The following EDA2R variants were observed in gnomAD, a reference collection of about 807,000 sequenced individuals.
The protein encoded by EDA2R is ectodysplasin A2 receptor.
In EDA2R, 26 loss-of-function variants were observed where a neutral mutation model predicts 20.1. That is an observed-to-expected ratio of 1.30 (90% CI 0.95 to 1.80). EDA2R has a LOEUF of 1.80. Ranked by LOEUF, EDA2R falls within the 40% of genes most tolerant of loss-of-function variation. EDA2R has a pLI of 0.00. For missense variants in EDA2R, 277 were observed against 228.7 expected, an observed-to-expected ratio of 1.21 and a Z score of -1.36; for synonymous variants, 114 against 88.7, an observed-to-expected ratio of 1.29 and a Z score of -1.60.
intron 5 of EDA2R, among the ~76,000 whole-genome samples, chrX:66,600,919 T>C (rs1928470506): frequency 8.9e-6 from 1 of 112,333 alleles, no homozygotes; most frequent in Admixed American, 9.4e-5. Flanking sequence ...TACAAACAGC[T>C]GGATCCAAGT....
intron 1 of EDA2R, among the ~76,000 whole-genome samples, chrX:66,624,946 C>G (rs1294861604): frequency 9.0e-6 from 1 of 111,719 alleles, no homozygotes; most frequent in Non-Finnish European, 1.9e-5. Flanking sequence ...GGAGAAGTTT[C>G]TGACTTTACC....
intron 1 of EDA2R, among the ~76,000 whole-genome samples, chrX:66,631,888 G>A (rs1290080223): frequency 8.9e-6 from 1 of 111,763 alleles, no homozygotes; most frequent in Non-Finnish European, 1.9e-5. Flanking sequence ...AGTTGAAGGG[G>A]ACAGAGGAAC....
chrX:66,620,815 A>T (rs951674904), intron 1 of EDA2R, among the ~76,000 whole-genome samples: 14 of 109,917 alleles, frequency 1.3e-4, no homozygotes, highest in Non-Finnish European at 1.9e-4. Context: ...AAAAAAAGAT[A>T]GATAATTTAA....
chrX:66,628,724 A>T (rs780294581), intron 1 of EDA2R, among the ~76,000 whole-genome samples: 12 of 109,613 alleles, frequency 1.1e-4, no homozygotes, highest in African/African-American at 4.0e-4. Flanking sequence ...AAAAAAATCC[A>T]GGATCAGATG....
chrX:66,617,127 C>T (rs1388022869), intron 1 of EDA2R, among the ~76,000 whole-genome samples: 6 of 111,992 alleles, frequency 5.4e-5, no homozygotes, highest in Non-Finnish European at 9.4e-5. Flanking sequence ...TCTAAAAGTG[C>T]CAAAGTCCTA....
chrX:66,599,191 G>C (rs913634819), intron 6 of EDA2R, among the ~76,000 whole-genome samples: 10 of 111,568 alleles, frequency 9.0e-5, no homozygotes, highest in Non-Finnish European at 1.9e-4. Flanking sequence ...ATGACCATTA[G>C]ATAGTGGGGC....
intron 1 of EDA2R, among the ~76,000 whole-genome samples, chrX:66,624,181 T>C (rs148686312): frequency 0.021 from 2,406 of 112,057 alleles, 35 homozygotes; most frequent in Non-Finnish European, 0.037. Context: ...GCTCAACAGA[T>C]CACCATCACA....
intron 5 of EDA2R, among the ~76,000 whole-genome samples, chrX:66,601,311 C>A (rs748955100): frequency 1.8e-5 from 2 of 111,858 alleles, no homozygotes; most frequent in African/African-American, 6.5e-5. Context: ...GCACCCAGGG[C>A]CTAAGCAACA....
In EDA2R at chrX:66,631,329, A is replaced by C. The variant is rs1384385265; in HGVS notation, c.-11+7666T>G. On this transcript the variant is annotated intron_variant, in intron 1 of 6. Transcript: ENST00000374719. ...ACTAAATAACATATCCATGCAACCA[A>C]ATACCACCTGTATCCCAATAACCTA... Among the ~76,000 whole-genome samples the C allele has an allele frequency of 4.5e-5, 5 of 111,309 alleles. No individual in the cohort carries two copies. The East Asian group carries it at 1.4e-3, about 32-fold the overall frequency.
chrX:66,617,705 C>A (rs762807639), intron 1 of EDA2R, among the ~76,000 whole-genome samples: 1 of 110,835 alleles, frequency 9.0e-6, no homozygotes, highest in Admixed American at 9.7e-5. Flanking sequence ...GCTCCACCCC[C>A]CTAATAAACA....
At chrX:66,602,468 T>C (rs762335243) in intron 5 of EDA2R, among the ~76,000 whole-genome samples, 165 bp downstream of exon 5, 17 of 111,267 alleles carry the variant, frequency 1.5e-4, no homozygotes, top group Admixed American at 1.3e-3. Context: ...TCCCATGCTT[T>C]CCATTGCAGC....
rs149075785 is a variant in EDA2R, at chrX:66,609,245, T to C, written c.88-4019A>G. Among the ~76,000 whole-genome samples, 23 of 111,947 alleles carry C rather than the reference T, an allele frequency of 2.1e-4. No homozygotes were observed. In the East Asian group the frequency reaches 6.5e-3, roughly 32 times the overall value. Reference sequence around the variant, plus strand: ...CTTAACCTCTTATGTCACCAAACTTTAGTATTTGTTACAGCAGTTAATATT... The same window carrying C: ...CTTAACCTCTTATGTCACCAAACTTCAGTATTTGTTACAGCAGTTAATATT... On this transcript the variant is annotated intron_variant, in intron 2 of 6. Coordinates refer to ENST00000374719, the MANE Select transcript of EDA2R (RefSeq NM_021783.5).
At chrX:66,611,038 C>A (rs1930651595) in intron 2 of EDA2R, among the ~76,000 whole-genome samples, 1 of 111,547 alleles carries the variant, frequency 9.0e-6, no homozygotes, top group Non-Finnish European at 1.9e-5. Context: ...ACAACTCAGA[C>A]ACTTCTTTAT....
chrX:66,619,504 T>C (rs1239022255), intron 1 of EDA2R, among the ~76,000 whole-genome samples: 1 of 111,905 alleles, frequency 8.9e-6, no homozygotes, highest in Non-Finnish European at 1.9e-5. Flanking sequence ...CCCTCTCACC[T>C]CCACAACCTA....
At chrX:66,604,124 G>T (rs1285843321) in intron 4 of EDA2R, among the ~76,000 whole-genome samples, 5 of 111,313 alleles carry the variant, frequency 4.5e-5, no homozygotes, top group Non-Finnish European at 9.4e-5. Context: ...AATTTGTGAA[G>T]TGCTTCCTAA....
intron 1 of EDA2R, among the ~76,000 whole-genome samples, chrX:66,617,379 G>C (rs1931901039): frequency 8.9e-6 from 1 of 111,746 alleles, no homozygotes; most frequent in South Asian, 3.8e-4. Flanking sequence ...TGATTTGATT[G>C]CTGGCCCATG....
At chrX:66,616,563 G>A (rs955252045) in intron 1 of EDA2R, among the ~76,000 whole-genome samples, 4 of 112,549 alleles carry the variant, frequency 3.6e-5, no homozygotes, top group African/African-American at 1.3e-4. Flanking sequence ...CTGAAACATT[G>A]TTTCTCTTTG....
At chrX:66,598,399 T>A (rs1394477315) in intron 6 of EDA2R, among the ~76,000 whole-genome samples, 3 of 111,866 alleles carry the variant, frequency 2.7e-5, no homozygotes, top group African/African-American at 9.8e-5. Flanking sequence ...TGATGAGGTC[T>A]GTCTGGCACG....
chrX:66,619,638 G>A (rs1932274078), intron 1 of EDA2R, among the ~76,000 whole-genome samples: 1 of 111,129 alleles, frequency 9.0e-6, no homozygotes, highest in Non-Finnish European at 1.9e-5. Context: ...TCAATCCCAT[G>A]GAGTATAACA....
Sources: allele counts gnomAD v4.1 joint callset (sites outside exome capture counted in the v4.1 genomes callset), GRCh38; gene constraint gnomAD v4.1.1; transcripts MANE v1.5; gene names NCBI Gene and HGNC (gene_info 2026-07-23, HGNC 2026-07-21).